The following CA5B variants were observed in gnomAD, a reference collection of about 807,000 sequenced individuals.
The protein encoded by CA5B is carbonic anhydrase 5B, mitochondrial.
A neutral mutation model predicts 23.1 loss-of-function variants in CA5B; 15 were observed. That is an observed-to-expected ratio of 0.65 (90% CI 0.43 to 1.00). The LOEUF (loss-of-function observed/expected upper bound fraction) is 1.00, where lower values mean the gene tolerates loss of function less well. Ranked by LOEUF, CA5B falls within the 50% of genes least tolerant of loss-of-function variation. The pLI, the probability that CA5B is intolerant of heterozygous loss-of-function variation, is 0.00. For missense variants in CA5B, 236 were observed against 252.2 expected (o/e 0.94, Z 0.43); for synonymous variants, 84 against 98.5 (o/e 0.85, Z 0.87).
intron 2 of CA5B, among the ~76,000 whole-genome samples, chrX:15,764,041 C>T (rs1229860261): frequency 9.0e-6 from 1 of 111,620 alleles, no homozygotes; most frequent in East Asian, 2.8e-4. Context: ...AGATCTTTCC[C>T]ACCTAGTCCA....
intron 2 of CA5B, among the ~76,000 whole-genome samples, chrX:15,752,508 A>G (rs777365445): frequency 3.2e-4 from 35 of 108,336 alleles, no homozygotes; most frequent in South Asian, 8.5e-4. Flanking sequence ...GGCGGATCAC[A>G]AGGTCAGGAG....
At chrX:15,750,840 A>T (rs375738461) in intron 2 of CA5B, among the ~76,000 whole-genome samples, 63 of 111,458 alleles carry the variant, frequency 5.7e-4, no homozygotes, top group African/African-American at 1.9e-3. Flanking sequence ...TGTGGCAGGG[A>T]TTCTCCACTG....
intron 2 of CA5B, among the ~76,000 whole-genome samples, chrX:15,757,761 G>A (rs12011924): frequency 0.33 from 35,561 of 108,397 alleles, 4,446 homozygotes; most frequent in East Asian, 0.42. Flanking sequence ...GCAGGCAGTT[G>A]TAAGAAGAGT....
intron 2 of CA5B, among the ~76,000 whole-genome samples, chrX:15,759,037 A>C (rs2147260310): frequency 8.9e-6 from 1 of 111,793 alleles, no homozygotes; most frequent in African/African-American, 3.2e-5. Flanking sequence ...TGAAGTGATC[A>C]TATTATAAGA....
chrX:15,776,351 AAAAAAAG>A (rs1336778592), intron 6 of CA5B, among the ~76,000 whole-genome samples: 3 of 108,344 alleles, frequency 2.8e-5, no homozygotes, highest in Non-Finnish European at 5.7e-5. Flanking sequence ...AAAAAAAAAA[AAAAAAAG>A]AAAAAAGAAA....
chrX:15,748,495 A>G (rs1931284266), intron 1 of CA5B, among the ~76,000 whole-genome samples: 1 of 111,787 alleles, frequency 8.9e-6, no homozygotes, highest in South Asian at 3.8e-4. Flanking sequence ...TCCATGTTTG[A>G]TATCCTGAGT....
chrX:15,752,487 A>G (rs987643091), intron 2 of CA5B, among the ~76,000 whole-genome samples: 10 of 111,892 alleles, frequency 8.9e-5, no homozygotes, highest in African/African-American at 2.9e-4. Flanking sequence ...GCACTTTGCG[A>G]GGCCGAGGCG....
rs1022980664 is a variant in CA5B at position 15,784,786 on chromosome X, T to C, written c.*2122T>C. 8.9e-6 allele frequency: 1 copy of C among 111,871 alleles called. No homozygotes were observed. The highest frequency in any genetic ancestry group is 3.3e-5 in the African/African-American group (1 of 30,757). 9.2% of individuals were successfully genotyped at this position (111,871 alleles called of 1,213,427 possible). A position where few individuals can be genotyped will look rare whatever the true frequency, so the allele number is the denominator to read the frequency against. ...TAGAATGAGAGAAAATAATTGCAAA[T>C]CGTCTATCTTATAAGGAGCCCAAAT... is the stretch of plus-strand genomic sequence containing the variant. On this transcript the variant is annotated 3_prime_UTR_variant, in exon 8 of 8. Transcript: ENST00000318636.
chrX:15,758,150 C>G (rs778498494), intron 2 of CA5B, among the ~76,000 whole-genome samples: 2 of 111,923 alleles, frequency 1.8e-5, no homozygotes, highest in African/African-American at 6.5e-5. Flanking sequence ...GAGAAGCAAA[C>G]TGTCTTATTC....
intron 7 of CA5B, among the ~76,000 whole-genome samples, chrX:15,780,430 G>A (rs954810344): frequency 1.0e-4 from 11 of 109,896 alleles, no homozygotes; most frequent in African/African-American, 3.3e-4. Context: ...CCGCCACCAC[G>A]CCTGGCTAAT....
intron 3 of CA5B, chrX:15,769,448 A>G: frequency 1.3e-6 from 1 of 750,855 alleles, no homozygotes; most frequent in Non-Finnish European, 1.6e-6. Flanking sequence ...GATCCCTGTC[A>G]ATTATCATCT....
intron 1 of CA5B, among the ~76,000 whole-genome samples, chrX:15,746,022 C>CTTTTTT (rs11304971): frequency 2.2e-4 from 12 of 53,406 alleles, no homozygotes; most frequent in Admixed American, 5.3e-4. Flanking sequence ...GCGTCAACTT[C>CTTTTTT]TTTTTTTTTT....
intron 7 of CA5B, among the ~76,000 whole-genome samples, chrX:15,777,724 TATC>T (rs908773822): frequency 1.1e-4 from 12 of 111,978 alleles, no homozygotes; most frequent in Non-Finnish European, 1.9e-4. Flanking sequence ...AAAATCATAT[TATC>T]ATTTCCAGGG....
Position 15,785,716 on chromosome X carries a change from TAGAA to T in CA5B, c.*3055_*3058del, listed in dbSNP as rs1254413645. ...TGCCCTAGGAAATGCATAGAATTCTTAGAAAGGTAAACATGGTAAAAAAAGAAGT... is the reference window on the plus strand; with the variant it reads ...TGCCCTAGGAAATGCATAGAATTCTTAGGTAAACATGGTAAAAAAAGAAGT... On this transcript the variant is annotated 3_prime_UTR_variant, in exon 8 of 8. Transcript: ENST00000318636. 4.5e-5 allele frequency: 5 copies of T among 112,148 alleles called. No individual in the cohort carries two copies. Among genetic ancestry groups the T allele is most frequent in the African/African-American group, 6.5e-5 (2 of 30,859 alleles). The allele number at this position is 112,148 out of a possible 1,213,427, so 9.2% of individuals were successfully genotyped here.
intron 3 of CA5B, among the ~76,000 whole-genome samples, chrX:15,767,897 CTT>C (rs59290756): frequency 3.8e-5 from 2 of 52,263 alleles, no homozygotes; most frequent in African/African-American, 8.7e-5. Flanking sequence ...TGCACCTGGC[CTT>C]TTTTTTTTTT....
At chrX:15,779,994 C>T (rs1931992925) in intron 7 of CA5B, among the ~76,000 whole-genome samples, 1 of 111,682 alleles carries the variant, frequency 9.0e-6, no homozygotes, top group Non-Finnish European at 1.9e-5. Context: ...TCTGGTCTAA[C>T]TGTACTGGCT....
chrX:15,773,099 A>G (rs767687965), intron 4 of CA5B, among the ~76,000 whole-genome samples: 1 of 111,772 alleles, frequency 8.9e-6, no homozygotes, highest in African/African-American at 3.3e-5. Flanking sequence ...GCTGGGTGAT[A>G]ATGCACTCAT....
intron 2 of CA5B, among the ~76,000 whole-genome samples, chrX:15,762,607 A>T (rs1269242845): frequency 2.7e-5 from 3 of 110,209 alleles, no homozygotes; most frequent in Non-Finnish European, 3.8e-5. Context: ...ACACCCGGCT[A>T]ATTTTTAATA....
At position 15,783,284 on chromosome X, in the gene CA5B, A is replaced by T. The variant is rs1187561666; in HGVS notation, c.*620A>T. The T allele has an allele frequency of 2.7e-5, 3 of 111,960 alleles. No homozygotes were observed. Among genetic ancestry groups the T allele is most frequent in the Admixed American group, 9.6e-5 (1 of 10,452 alleles). The allele number at this position is 111,960 out of a possible 1,213,427, so 9.2% of individuals were successfully genotyped here. On this transcript the variant is annotated 3_prime_UTR_variant, in exon 8 of 8. Coordinates refer to ENST00000318636, the MANE Select transcript of CA5B (RefSeq NM_007220.4). ...TTATAACATGAATGTGTATTCTTTCATAAGGGCTTATCAGTCAGTATATTT... is the reference window on the plus strand; with the variant it reads ...TTATAACATGAATGTGTATTCTTTCTTAAGGGCTTATCAGTCAGTATATTT...
Sources: gnomAD v4.1 joint callset for allele counts (sites outside exome capture counted in the v4.1 genomes callset) on GRCh38, gnomAD v4.1.1 for gene constraint, MANE v1.5 for transcripts, NCBI Gene and HGNC (gene_info 2026-07-23, HGNC 2026-07-21) for gene names.